ROBO1: variants seen among roughly 807,000 people sequenced by gnomAD.
ROBO1 encodes roundabout guidance receptor 1.
Under a neutral mutation model 195.9 loss-of-function variants are expected in ROBO1, and 149 were observed. That is an observed-to-expected ratio of 0.76 (90% CI 0.67 to 0.87). The LOEUF is 0.87. Ranked by LOEUF, ROBO1 falls within the 40% of genes least tolerant of loss-of-function variation. The pLI is 0.00. For missense variants in ROBO1, 1,933 were observed against 2,068.3 expected (o/e 0.93, Z 1.27); for synonymous variants, 816 against 733.2 (o/e 1.11, Z -1.82).
chr3:79,230,269 T>C (rs1052367016), intron 2 of ROBO1, among the ~76,000 whole-genome samples: 8 of 152,166 alleles, frequency 5.3e-5, no homozygotes, highest in Admixed American at 1.3e-4. Context: ...TGAATTCTTA[T>C]AGCATATATC....
chr3:79,590,084 A>T (rs1028885016), intron 1 of ROBO1, 123 bp from the exon 2 acceptor site: 8 of 513,688 alleles, frequency 1.6e-5, no homozygotes, highest in Admixed American at 3.6e-5. Context: ...AAACAAAATT[A>T]TTACATAACT....
intron 1 of ROBO1, among the ~76,000 whole-genome samples, chr3:79,662,717 C>T (rs1387981526): frequency 6.6e-6 from 1 of 152,006 alleles, no homozygotes; most frequent in Non-Finnish European, 1.5e-5. Flanking sequence ...ACCCCACCAC[C>T]ATCATCATTT....
intron 1 of ROBO1, among the ~76,000 whole-genome samples, chr3:79,596,876 T>C (rs1374049032): frequency 1.3e-5 from 2 of 151,978 alleles, no homozygotes; most frequent in African/African-American, 4.8e-5. Flanking sequence ...TTAAAGTGAC[T>C]CCAGATAAAG....
At chr3:78,755,436 T>A (rs1028214497) in intron 4 of ROBO1, among the ~76,000 whole-genome samples, 1 of 152,146 alleles carries the variant, frequency 6.6e-6, no homozygotes, top group Non-Finnish European at 1.5e-5. Context: ...ATTGCACTAC[T>A]GCATTCCAGC....
intron 2 of ROBO1, among the ~76,000 whole-genome samples, chr3:79,260,143 T>G (rs1355138084): frequency 6.6e-6 from 1 of 151,850 alleles, no homozygotes; most frequent in Non-Finnish European, 1.5e-5. Context: ...CCCATAATGT[T>G]ATTGAAAGTC....
chr3:79,525,421 A>G (rs1941387433), intron 2 of ROBO1, among the ~76,000 whole-genome samples: 1 of 149,538 alleles, frequency 6.7e-6, no homozygotes, highest in Non-Finnish European at 1.5e-5. Flanking sequence ...CTACCATACC[A>G]ATATGATATT....
In ROBO1 at chr3:78,627,517, G is replaced by T. The variant is rs1210371382; in HGVS notation, c.3679C>A (p.Gln1227Lys). 6.2e-7 allele frequency: 1 copy of T among 1,613,358 alleles called. No individual in the cohort carries two copies. The highest frequency in any genetic ancestry group is 8.5e-7 in the Non-Finnish European group (1 of 1,179,706). The change falls in exon 26 of 31, where the codon CAA becomes AAA. Residue 1227 changes from glutamine to lysine, a missense_variant. This residue lies in a region of ROBO1 where 1,737 missense variants were observed against 1,882.5 expected (regional missense o/e 0.92). Coordinates refer to ENST00000464233, the MANE Select transcript of ROBO1 (RefSeq NM_002941.4). ...PVPPARMYLQ[Q>K]DELEEEEDER... ...TCTTCCTCCTCTTCTAATTCATCTT[G>T]TTGCAAATACATCCTTGCTGGTGGC...
intron 2 of ROBO1, among the ~76,000 whole-genome samples, chr3:79,253,230 G>A (rs1302719006): frequency 6.6e-6 from 1 of 152,136 alleles, no homozygotes; most frequent in Non-Finnish European, 1.5e-5. Flanking sequence ...TATACAGCCA[G>A]AGTCAGAAAG....
chr3:79,618,741 C>G (rs1004507657), intron 1 of ROBO1, among the ~76,000 whole-genome samples: 4 of 152,142 alleles, frequency 2.6e-5, no homozygotes, highest in African/African-American at 9.7e-5. Context: ...GTGCCTCACT[C>G]CATGAGGAGA....
intron 5 of ROBO1, among the ~76,000 whole-genome samples, chr3:78,727,315 C>A (rs2082185732): frequency 6.6e-6 from 1 of 151,988 alleles, no homozygotes; most frequent in African/African-American, 2.4e-5. Flanking sequence ...GTAGGTAGTG[C>A]AAAAAGAATA....
intron 1 of ROBO1, among the ~76,000 whole-genome samples, chr3:79,609,044 T>C (rs921988098): frequency 1.3e-5 from 2 of 151,966 alleles, no homozygotes; most frequent in Non-Finnish European, 2.9e-5. Context: ...ACTTCTGCCA[T>C]GTAAGGACAC....
chr3:79,321,609 A>C (rs2033984178), intron 2 of ROBO1, among the ~76,000 whole-genome samples: 1 of 152,200 alleles, frequency 6.6e-6, no homozygotes, highest in Admixed American at 6.5e-5. Flanking sequence ...TTCCTTCTTC[A>C]AAAGCAAAAC....
intron 2 of ROBO1, among the ~76,000 whole-genome samples, chr3:79,462,796 G>A (rs536399118): frequency 6.6e-6 from 1 of 152,122 alleles, no homozygotes; most frequent in African/African-American, 2.4e-5. Flanking sequence ...AGTATTCAGA[G>A]TTTTGTGAAT....
Position 79,536,311 on chromosome 3 carries a change from T to C in ROBO1, c.88+53513A>G, listed in dbSNP as rs141967965. Among the ~76,000 whole-genome samples, 1,392 of 152,138 alleles carry C rather than the reference T, an allele frequency of 9.1e-3. 17 individuals are homozygous for C. The highest frequency in any genetic ancestry group is 0.014 in the South Asian group (66 of 4,820). On this transcript the variant is annotated intron_variant, in intron 2 of 30. Transcript: ENST00000464233. ...ACACATGATCACATATACATGCAAA[T>C]AGTGATCTAGCTGATTCCAAGTCCT...
chr3:79,049,146 C>A (rs772664075), intron 3 of ROBO1, among the ~76,000 whole-genome samples: 10 of 152,018 alleles, frequency 6.6e-5, no homozygotes, highest in Non-Finnish European at 1.0e-4. Context: ...AGCTAAAAAT[C>A]TTGAAAAAGG....
chr3:78,643,040 T>A (rs186640172), intron 21 of ROBO1, among the ~76,000 whole-genome samples: 1 of 152,180 alleles, frequency 6.6e-6, no homozygotes, highest in African/African-American at 2.4e-5. Context: ...ATGTAATTTA[T>A]TGCATTATTA....
At chr3:79,215,054 A>G (rs902991516) in intron 2 of ROBO1, among the ~76,000 whole-genome samples, 29 of 152,050 alleles carry the variant, frequency 1.9e-4, no homozygotes, top group African/African-American at 7.0e-4. Flanking sequence ...GCTAAAATGC[A>G]TGTGTATATT....
intron 3 of ROBO1, among the ~76,000 whole-genome samples, chr3:79,040,769 C>T (rs1466583185): frequency 2.0e-5 from 3 of 152,172 alleles, no homozygotes; most frequent in Non-Finnish European, 4.4e-5. Flanking sequence ...CAATTCCTAG[C>T]TCTTGATCAC....
At chr3:78,903,959 A>G (rs1257580952) in intron 4 of ROBO1, among the ~76,000 whole-genome samples, 4 of 152,048 alleles carry the variant, frequency 2.6e-5, no homozygotes, top group African/African-American at 9.7e-5. Context: ...GATCTACAAA[A>G]TAGAAGAAAA....
Sources: allele counts gnomAD v4.1 joint callset (sites outside exome capture counted in the v4.1 genomes callset), GRCh38; gene constraint gnomAD v4.1.1; regional missense constraint gnomAD v4.1.1; transcripts MANE v1.5; gene names NCBI Gene and HGNC (gene_info 2026-07-23, HGNC 2026-07-21).